Variants in DCLK3 observed in about 807,000 individuals in gnomAD.
DCLK3 encodes the protein doublecortin like kinase 3.
Under a neutral mutation model 46.4 loss-of-function variants are expected in DCLK3, and 30 were observed. The observed-to-expected ratio is 0.65, with a 90% CI of 0.48 to 0.88. The LOEUF is 0.88. Among genes scored for constraint, DCLK3 ranks in the 40% least tolerant of loss-of-function variants. The pLI, the probability that DCLK3 is intolerant of heterozygous loss-of-function variation, is 0.00. For synonymous variants in DCLK3, 401 were observed against 339.2 expected, an observed-to-expected ratio of 1.18 and a Z score of -2.00; for missense variants, 846 against 907.1, an observed-to-expected ratio of 0.93 and a Z score of 0.87.
At chr3:36,729,176 C>G (rs2125525880) in intron 2 of DCLK3, among the ~76,000 whole-genome samples, 1 of 151,792 alleles carries the variant, frequency 6.6e-6, no homozygotes, top group African/African-American at 2.4e-5. Context: ...GCCAAAGACC[C>G]CATCAAATGA....
Position 36,747,620 on chromosome 3 carries a change from C to A in DCLK3, c.83-8536G>T, listed in dbSNP as rs114822679. Among the ~76,000 whole-genome samples the A allele has an allele frequency of 9.0e-3, 1,373 of 152,214 alleles. 5 individuals carry two copies. The highest frequency in any genetic ancestry group is 0.015 in the Non-Finnish European group (1,015 of 68,022). ...AACGGTTGTTCAGCCCTTCCTGTTA[C>A]AAGGCAAGTGAAAGGAACAACTTCA... On this transcript the variant is annotated intron_variant, in intron 1 of 4. Transcript: ENST00000636136.
In DCLK3 at chr3:36,739,015, C is replaced by A. The variant is rs1323574861; in HGVS notation, c.152G>T (p.Gly51Val). ...CCCTCGGCTGGCAGGCAGCCAGGAG[C>A]CTTGCAGCTTCCGCTCTGTGATTCT... is the stretch of plus-strand genomic sequence containing the variant. ...SSRITERKLQ[G>V]SWLPASRGNL... The change falls in exon 2 of 5, where the codon GGC becomes GTC. Residue 51 changes from glycine (G) to valine (V), a missense_variant. Physicochemically the swap from Gly to Val is moderately radical, Grantham distance 109. This residue lies in a region of DCLK3 where 553 missense variants were observed against 543.0 expected (regional missense o/e 1.02). Transcript: ENST00000636136. The A allele has an allele frequency of 7.5e-6, 3 of 398,842 alleles. No homozygotes were observed. Among genetic ancestry groups the A allele is most frequent in the Admixed American group, 4.4e-5 (1 of 22,718 alleles). The allele number at this position is 398,842 out of a possible 1,614,324, so 24.7% of individuals were successfully genotyped here.
chr3:36,723,987 T>C (rs1394579743), intron 2 of DCLK3, among the ~76,000 whole-genome samples: 3 of 152,196 alleles, frequency 2.0e-5, no homozygotes, highest in African/African-American at 7.2e-5. Context: ...AGACTTTCAA[T>C]GCCAGCCTGT....
At chr3:36,721,007 T>C (rs1701047819) in intron 3 of DCLK3, among the ~76,000 whole-genome samples, 1 of 152,234 alleles carries the variant, frequency 6.6e-6, no homozygotes, top group Non-Finnish European at 1.5e-5. Context: ...ATTTCCTTTT[T>C]AAATGTTTTA....
At chr3:36,741,141 G>A (rs1182506761) in intron 1 of DCLK3, among the ~76,000 whole-genome samples, 1 of 152,136 alleles carries the variant, frequency 6.6e-6, no homozygotes. Context: ...TTTTGTCTGA[G>A]ATAGCTGATG....
intron 2 of DCLK3, among the ~76,000 whole-genome samples, chr3:36,729,246 T>TG (rs1553611158): frequency 0.14 from 5,690 of 40,878 alleles, 628 homozygotes; most frequent in East Asian, 0.24. Flanking sequence ...TGTGTGTGTG[T>TG]GTGGGGGGGG....
At chr3:36,718,246 G>A in intron 3 of DCLK3, 69 bp from the exon 4 acceptor site, 2 of 1,600,598 alleles carry the variant, frequency 1.2e-6, no homozygotes, top group Non-Finnish European at 8.5e-7. Flanking sequence ...TGAAATAAAT[G>A]ATGGAGTATT....
At chr3:36,760,805 A>C (rs1433114796) in intron 1 of DCLK3, among the ~76,000 whole-genome samples, 1 of 152,260 alleles carries the variant, frequency 6.6e-6, no homozygotes, top group Non-Finnish European at 1.5e-5. Flanking sequence ...GAATCCATTC[A>C]GCTAAAAGGT....
Position 36,713,208 on chromosome 3 carries a change from CT to C in DCLK3, c.*2119del, listed in dbSNP as rs1445098230. On this transcript the variant is annotated 3_prime_UTR_variant, in exon 5 of 5. Transcript: ENST00000636136. ...CTAGCCACTAAGGATGCAACTACAG[CT>C]TTTAGCAACTGGAAGAAGACTGAAT... 1 of 152,022 alleles carries C rather than the reference CT, an allele frequency of 6.6e-6. No individual in the cohort carries two copies. The highest frequency in any genetic ancestry group is 2.4e-5 in the African/African-American group (1 of 41,378). 9.4% of individuals were successfully genotyped at this position (152,022 alleles called of 1,614,324 possible).
chr3:36,755,281 G>C (rs1439498364), intron 1 of DCLK3, among the ~76,000 whole-genome samples: 1 of 152,174 alleles, frequency 6.6e-6, no homozygotes, highest in Non-Finnish European at 1.5e-5. Flanking sequence ...GGACAGGAAG[G>C]AGATGAGTAG....
chr3:36,757,218 T>A (rs906677394), intron 1 of DCLK3, among the ~76,000 whole-genome samples: 8 of 152,214 alleles, frequency 5.3e-5, no homozygotes, highest in Non-Finnish European at 1.2e-4. Context: ...TGTGGCTTTG[T>A]GTTCTCTGCC....
At chr3:36,716,568 A>G (rs1475946293) in intron 4 of DCLK3, among the ~76,000 whole-genome samples, 1 of 152,256 alleles carries the variant, frequency 6.6e-6, no homozygotes, top group Non-Finnish European at 1.5e-5. Context: ...GTGGACAACC[A>G]GACACCCCAG....
At chr3:36,731,827 C>G (rs535076015) in intron 2 of DCLK3, among the ~76,000 whole-genome samples, 1 of 152,124 alleles carries the variant, frequency 6.6e-6, no homozygotes, top group Non-Finnish European at 1.5e-5. Context: ...TCACATAAAC[C>G]CTAACATGTG....
chr3:36,737,426 G>A lies in DCLK3; in HGVS notation c.1741C>T (p.Pro581Ser). The change falls in exon 2 of 5, where the codon CCC (proline) becomes TCC (serine). Residue 581 changes from proline (P) to serine (S), a missense_variant. Pro to Ser is a moderately conservative substitution (Grantham distance 74). Around this residue, in one of 3 missense-constraint regions of DCLK3, gnomAD observed 247 missense variants for 322.8 expected, o/e 0.77. Transcript: ENST00000636136. The surrounding 1 kb of genome is among the most constrained non-coding windows in gnomAD (Gnocchi z 4.4). ...EILIIQSLSHPNIVKLHEVYE... is the reference protein window; with the variant it reads ...EILIIQSLSHSNIVKLHEVYE... ...ACTTCATGCAATTTCACGATGTTGGGGTGAGAGAGGCTCTGGATGATCAAG... is the reference window on the plus strand; with the variant it reads ...ACTTCATGCAATTTCACGATGTTGGAGTGAGAGAGGCTCTGGATGATCAAG... 6.2e-7 allele frequency: 1 copy of A among 1,614,126 alleles called. No homozygotes were observed. Among genetic ancestry groups the A allele is most frequent in the Non-Finnish European group, 8.5e-7 (1 of 1,180,018 alleles).
rs756997553 is a variant in DCLK3 at position 36,721,554 on chromosome 3, C to T, written c.2065G>A (p.Val689Ile). The change falls in exon 3 of 5, where the codon GTA becomes ATA. Residue 689 changes from valine (V) to isoleucine (I), a missense_variant. Around this residue, in one of 3 missense-constraint regions of DCLK3, gnomAD observed 247 missense variants for 322.8 expected, o/e 0.77. Transcript: ENST00000636136. ...IFTVCGTPTY[V>I]APEILSEKGY... The stretch of plus-strand genomic sequence containing the variant: ...TTCTCAGAAAGAATTTCGGGAGCTA[C>T]GTAAGTTGGGGTCCCACACACAGTA... 4 of 1,613,972 alleles carry T rather than the reference C, an allele frequency of 2.5e-6. No homozygotes were observed. Among genetic ancestry groups the T allele is most frequent in the East Asian group, 2.2e-5 (1 of 44,886 alleles).
At chr3:36,729,844 A>G (rs1307785703) in intron 2 of DCLK3, 2 of 152,230 alleles carry the variant, frequency 1.3e-5, no homozygotes, top group African/African-American at 4.8e-5. Context: ...TAAAATGCCA[A>G]TACCTAAAAT....
intron 2 of DCLK3, among the ~76,000 whole-genome samples, chr3:36,727,310 A>C (rs1246144688): frequency 6.6e-6 from 1 of 152,092 alleles, no homozygotes; most frequent in East Asian, 1.9e-4. Context: ...TCTTAAAAAC[A>C]AATAAAGCAT....
chr3:36,760,664 G>A (rs1275447958), intron 1 of DCLK3, among the ~76,000 whole-genome samples: 2 of 152,064 alleles, frequency 1.3e-5, no homozygotes, highest in African/African-American at 4.8e-5. Flanking sequence ...GAACTTAGGA[G>A]CTAGGGAGAA....
At chr3:36,754,115 G>T (rs1038432326) in intron 1 of DCLK3, among the ~76,000 whole-genome samples, 1 of 152,118 alleles carries the variant, frequency 6.6e-6, no homozygotes, top group Non-Finnish European at 1.5e-5. Context: ...TCAGTTCTTT[G>T]GATTCTAAGT....
Sources: gnomAD v4.1 joint callset for allele counts (sites outside exome capture counted in the v4.1 genomes callset) on GRCh38, gnomAD v4.1.1 for gene constraint, gnomAD v4.1.1 regional missense constraint, Gnocchi (gnomAD v3.1) non-coding constraint, MANE v1.5 for transcripts, NCBI Gene and HGNC (gene_info 2026-07-23, HGNC 2026-07-21) for gene names.